IL21: variants seen among roughly 807,000 people sequenced by gnomAD.
IL21 encodes the protein interleukin 21, also known as interleukin-21.
In IL21, 3 loss-of-function variants were observed where a neutral mutation model predicts 18.4. That is an observed-to-expected ratio of 0.16 (90% CI 0.07 to 0.42). IL21 has a LOEUF of 0.42. Ranked by LOEUF, IL21 falls within the 10% of genes least tolerant of loss-of-function variation. IL21 has a pLI of 0.99. For synonymous variants in IL21, 37 were observed against 62.0 expected (o/e 0.60, Z 1.90); for missense variants, 130 against 188.4 (o/e 0.69, Z 1.81).
At chr4:122,617,753 T>C (rs1799359166) in intron 2 of IL21, among the ~76,000 whole-genome samples, 1 of 152,196 alleles carries the variant, frequency 6.6e-6, no homozygotes. Context: ...GGTTTTGTTT[T>C]CTTCTGTTCT....
chr4:122,618,522 C>T (rs1799372457), intron 2 of IL21, among the ~76,000 whole-genome samples: 2 of 152,036 alleles, frequency 1.3e-5, no homozygotes, highest in Non-Finnish European at 2.9e-5. Context: ...CTACCTTTGT[C>T]CTGGCTGGGT....
rs967037624 is a variant in IL21, at chr4:122,611,969, T to A, written c.*741A>T. 6.6e-6 allele frequency among the ~76,000 whole-genome samples: 1 copy of A among 152,098 alleles called. No homozygotes were observed. Among genetic ancestry groups the A allele is most frequent in the Admixed American group, 6.6e-5 (1 of 15,266 alleles). ...CATATGTCCCTCTATAGGTTTAAATTGCCATTTCCACAAGCTTAAAATGTT... is the reference window on the plus strand; with the variant it reads ...CATATGTCCCTCTATAGGTTTAAATAGCCATTTCCACAAGCTTAAAATGTT... On this transcript the variant is annotated 3_prime_UTR_variant, in exon 5 of 5. Coordinates refer to ENST00000648588, the MANE Select transcript of IL21 (RefSeq NM_021803.4).
chr4:122,620,655 A>C (rs1799413674), intron 2 of IL21, 46 bp downstream of exon 2: 1 of 1,533,512 alleles, frequency 6.5e-7, no homozygotes, highest in South Asian at 1.2e-5. Context: ...TGGATTTAAA[A>C]ACTTATGTCC....
intron 2 of IL21, 51 bp from the exon 3 acceptor site, chr4:122,615,888 A>G (rs1799330802): frequency 2.0e-6 from 3 of 1,463,644 alleles, no homozygotes; most frequent in South Asian, 2.5e-5. Flanking sequence ...TTCAGAAAGT[A>G]AAAGATAGCT....
rs1799375952 is a variant in IL21, at chr4:122,618,640, A to G, written c.204+2061T>C. Among the ~76,000 whole-genome samples, 3 of 152,044 alleles carry G rather than the reference A, an allele frequency of 2.0e-5. No homozygotes were observed. The South Asian group carries it at 6.2e-4, about 32-fold the overall frequency. ...GCCAACATGGTGAAACCCCGTCTCTACTAAAAAATACAAAAATTAGCTGGG... is the reference window on the plus strand; with the variant it reads ...GCCAACATGGTGAAACCCCGTCTCTGCTAAAAAATACAAAAATTAGCTGGG... On this transcript the variant is annotated intron_variant, in intron 2 of 4. Transcript: ENST00000648588.
chr4:122,617,607 TACAATTTCAGTTGTAAAA>T lies in IL21; in HGVS notation c.205-1788_205-1771del, dbSNP rs1483022659. On this transcript the variant is annotated intron_variant, in intron 2 of 4. Coordinates refer to ENST00000648588, the MANE Select transcript of IL21 (RefSeq NM_021803.4). The stretch of plus-strand genomic sequence containing the variant: ...ACTCAAAGCACTGAAATTGTAAAAC[TACAATTTCAGTTGTAAAA>T]ACAACTGAAAATCTTTTCTGAAAGC... Among the ~76,000 whole-genome samples, 6 of 152,312 alleles carry T rather than the reference TACAATTTCAGTTGTAAAA, an allele frequency of 3.9e-5. No homozygotes were observed. The East Asian group carries it at 1.2e-3, about 29-fold the overall frequency.
Position 122,612,941 on chromosome 4 carries a change from G to A in IL21, c.361-13C>T, listed in dbSNP as rs1317656028. 2 of 1,508,592 alleles carry A rather than the reference G, an allele frequency of 1.3e-6. No homozygotes were observed. The highest frequency in any genetic ancestry group is 1.2e-5 in the South Asian group (1 of 81,692). 93.5% of individuals were successfully genotyped at this position (1,508,592 alleles called of 1,614,324 possible). A position where few individuals can be genotyped will look rare whatever the true frequency, so the allele number is the denominator to read the frequency against. On this transcript the variant is annotated splice_polypyrimidine_tract_variant and intron_variant, in intron 3 of 4. Coordinates refer to ENST00000648588, the MANE Select transcript of IL21 (RefSeq NM_021803.4). The stretch of plus-strand genomic sequence containing the variant: ...ATGAAGGGCATGTCTAGAAATCAAT[G>A]AAAAAGTAACAGTCTTCTTTAAAAT...
chr4:122,620,141 A>G (rs1394329631), intron 2 of IL21: 1 of 152,370 alleles, frequency 6.6e-6, no homozygotes, highest in African/African-American at 2.4e-5. Flanking sequence ...ACGGAAGGCC[A>G]AAGACAAGAC....
intron 3 of IL21, among the ~76,000 whole-genome samples, chr4:122,614,140 G>A (rs11930631): frequency 0.088 from 13,385 of 151,992 alleles, 1,917 homozygotes; most frequent in African/African-American, 0.3. Flanking sequence ...TGGAACTTGG[G>A]GCTAGTGACT....
chr4:122,615,581 G>T, intron 3 of IL21, 101 bp downstream of exon 3: 6 of 981,556 alleles, frequency 6.1e-6, no homozygotes, highest in African/African-American at 1.7e-5. Context: ...AGGTAAGGAA[G>T]ACACCAGCAG....
At position 122,620,960 on chromosome 4, in the gene IL21, T is replaced by C. The variant is rs1212721523; in HGVS notation, c.52A>G (p.Ile18Val). The change falls in exon 1 of 5, where the codon ATC (isoleucine) becomes GTC (valine). Residue 18 changes from isoleucine to valine, a missense_variant. Ile to Val is a conservative substitution (Grantham distance 29). Transcript: ENST00000648588. ...TTGTGGACCAGTGTCCCCAAGAAGA[T>C]GACCATCAGACAGATGACAATCCTC... The part of the protein sequence containing the change: ...MERIVICLMV[I>V]FLGTLVHKSS... The C allele has an allele frequency of 9.9e-6, 16 of 1,613,884 alleles. No homozygotes were observed. The highest frequency in any genetic ancestry group is 1.3e-5 in the African/African-American group (1 of 74,912).
At position 122,615,634 on chromosome 4, in the gene IL21, A is replaced by G. The variant is rs768243549; in HGVS notation, c.360+48T>C. 3.9e-6 allele frequency: 6 copies of G among 1,544,096 alleles called. No individual in the cohort carries two copies. In the Admixed American group the frequency reaches 7.1e-5, roughly 18 times the overall value. ...TGTGTATGTTTATGTAATGCAAGAT[A>G]TATAGTTTATAAGTACAAATAAGAG... On this transcript the variant is annotated intron_variant, in intron 3 of 4. Transcript: ENST00000648588.
At chr4:122,613,390 C>A (rs1799290438) in intron 3 of IL21, among the ~76,000 whole-genome samples, 1 of 125,592 alleles carries the variant, frequency 8.0e-6, no homozygotes, top group Non-Finnish European at 1.6e-5. Context: ...CTTGCTGTGT[C>A]ACCCAGGCTG....
chr4:122,613,131 TG>T (rs1187411651), intron 3 of IL21, among the ~76,000 whole-genome samples: 1 of 152,144 alleles, frequency 6.6e-6, no homozygotes, highest in Non-Finnish European at 1.5e-5. Context: ...AATGTTTTAA[TG>T]TATATTCTCT....
At chr4:122,616,309 C>T (rs564956422) in intron 2 of IL21, among the ~76,000 whole-genome samples, 2 of 152,264 alleles carry the variant, frequency 1.3e-5, no homozygotes, top group South Asian at 2.1e-4. Context: ...GCATTTTATT[C>T]TGTACAGCGC....
Position 122,612,454 on chromosome 4 carries a change from A to G in IL21, c.*256T>C, listed in dbSNP as rs556952478. Among the ~76,000 whole-genome samples the G allele has an allele frequency of 9.2e-4, 140 of 152,290 alleles. No individual in the cohort carries two copies. The highest frequency in any genetic ancestry group is 3.3e-3 in the African/African-American group (138 of 41,594). On this transcript the variant is annotated 3_prime_UTR_variant, in exon 5 of 5. Transcript: ENST00000648588. The stretch of plus-strand genomic sequence containing the variant: ...AACTGTATTTTTGGTTAAAAATTTT[A>G]GCCTTCTCCTTCAACCAAGAAATGT...
At position 122,621,064 on chromosome 4, in the gene IL21, G is replaced by T; in HGVS notation, c.-53C>A. 1 of 1,541,526 alleles carries T rather than the reference G, an allele frequency of 6.5e-7. No homozygotes were observed. On this transcript the variant is annotated 5_prime_UTR_variant, in exon 1 of 5. Coordinates refer to ENST00000648588, the MANE Select transcript of IL21 (RefSeq NM_021803.4). ...GTCTCGTTTTCACTTCAGCTTGACT[G>T]AGAACAGGTTGTCAGTTAAGCTACC...
At chr4:122,618,556 C>T (rs1799373581) in intron 2 of IL21, among the ~76,000 whole-genome samples, 1 of 152,064 alleles carries the variant, frequency 6.6e-6, no homozygotes, top group African/African-American at 2.4e-5. Flanking sequence ...CCTGTCATCC[C>T]AGCACTTTGG....
chr4:122,617,915 A>G (rs908261619), intron 2 of IL21, among the ~76,000 whole-genome samples: 1 of 152,194 alleles, frequency 6.6e-6, no homozygotes, highest in Admixed American at 6.5e-5. Context: ...TGAGAAGGAG[A>G]GTGAAAAGAT....
Sources: allele counts gnomAD v4.1 joint callset (sites outside exome capture counted in the v4.1 genomes callset), GRCh38; gene constraint gnomAD v4.1.1; transcripts MANE v1.5; gene names NCBI Gene and HGNC (gene_info 2026-07-23, HGNC 2026-07-21).